The following IL1F10 variants were observed in gnomAD, a reference collection of about 807,000 sequenced individuals.
IL1F10 encodes the protein interleukin 1 family member 10.
Under a neutral mutation model 13.1 loss-of-function variants are expected in IL1F10, and 13 were observed. The ratio of observed to expected loss-of-function variants is 0.99; its 90% CI spans 0.64 to 1.57. IL1F10 has a LOEUF of 1.57. Among genes scored for constraint, IL1F10 ranks in the 40% most tolerant of loss-of-function variants. The pLI is 0.00. For missense variants in IL1F10, 191 were observed against 184.1 expected (o/e 1.04, Z -0.22); for synonymous variants, 78 against 68.2 (o/e 1.14, Z -0.71).
intron 1 of IL1F10, among the ~76,000 whole-genome samples, chr2:113,068,308 G>A (rs989399224): frequency 3.3e-5 from 5 of 150,808 alleles, no homozygotes; most frequent in Admixed American, 6.6e-5. Flanking sequence ...TTCAAACCGT[G>A]TTTGGTGGAA....
chr2:113,075,828 C>T lies in IL1F10; in HGVS notation c.*464C>T, dbSNP rs1248222677. On this transcript the variant is annotated 3_prime_UTR_variant, in exon 5 of 5. Coordinates refer to ENST00000341010, the MANE Select transcript of IL1F10 (RefSeq NM_173161.3). ...ACCTCCACAACTATAAAATAATAAA[C>T]TTGTGTTATTGTAAACCTCTAAGTT... 1 of 152,468 alleles carries T rather than the reference C, an allele frequency of 6.6e-6. No homozygotes were observed. Among genetic ancestry groups the T allele is most frequent in the African/African-American group, 2.4e-5 (1 of 41,460 alleles). 9.4% of individuals were successfully genotyped at this position (152,468 alleles called of 1,614,324 possible). A position where few individuals can be genotyped will look rare whatever the true frequency, so the allele number is the denominator to read the frequency against.
intron 1 of IL1F10, among the ~76,000 whole-genome samples, chr2:113,070,216 G>T (rs960191763): frequency 2.0e-5 from 3 of 152,200 alleles, no homozygotes; most frequent in Non-Finnish European, 4.4e-5. Flanking sequence ...GGAGGGGCTT[G>T]GCACACAGCA....
intron 1 of IL1F10, among the ~76,000 whole-genome samples, chr2:113,070,420 A>G (rs887680722): frequency 1.3e-5 from 2 of 152,350 alleles, no homozygotes; most frequent in Admixed American, 1.3e-4. Context: ...GGACTGGACC[A>G]GCATTGAATT....
chr2:113,071,606 C>T (rs1032888025), intron 1 of IL1F10, among the ~76,000 whole-genome samples: 2 of 152,172 alleles, frequency 1.3e-5, no homozygotes, highest in African/African-American at 4.8e-5. Context: ...GTGACAGTGA[C>T]AGACCCAGTA....
chr2:113,070,653 T>C (rs1175068796), intron 1 of IL1F10, among the ~76,000 whole-genome samples: 1 of 152,180 alleles, frequency 6.6e-6, no homozygotes, highest in African/African-American at 2.4e-5. Context: ...TTGAGTTATC[T>C]GTACTGGGGG....
chr2:113,074,967 T>A (rs2105080015), intron 4 of IL1F10, 117 bp downstream of exon 4: 1 of 1,368,782 alleles, frequency 7.3e-7, no homozygotes, highest in Non-Finnish European at 1.0e-6. Flanking sequence ...TCCTACTTCC[T>A]CAGGTTTCCA....
At chr2:113,072,648 G>C (rs1237860587) in intron 1 of IL1F10, 63 bp from the exon 2 acceptor site, 1 of 1,146,054 alleles carries the variant, frequency 8.7e-7, no homozygotes, top group African/African-American at 1.5e-5. Flanking sequence ...CTAAGCCCCA[G>C]CACGTCTGCC....
intron 3 of IL1F10, 62 bp downstream of exon 3, chr2:113,074,476 C>T (rs1394919191): frequency 2.2e-6 from 3 of 1,338,792 alleles, no homozygotes; most frequent in Admixed American, 3.4e-5. Context: ...TCTCTTCTTC[C>T]CTTTCCTCCC....
At position 113,074,404 on chromosome 2, in the gene IL1F10, C is replaced by T. The variant is rs1685897080; in HGVS notation, c.108C>T (p.Asn36=). The T allele has an allele frequency of 6.2e-7, 1 of 1,613,212 alleles. No individual in the cohort carries two copies. Among genetic ancestry groups the T allele is most frequent in the African/African-American group, 1.3e-5 (1 of 75,028 alleles). ...QLLVGDPVAD[N]CCAEKICILP... ...TGGTGGGAGATCCTGTTGCAGACAA[C>T]TGCTGTGCAGGTGAGCTTCTGGGGC... The change falls in exon 3 of 5, where the codon AAC becomes AAT. Residue 36 remains asparagine, a synonymous_variant. Transcript: ENST00000341010.
rs1297614333 is a variant in IL1F10, at chr2:113,068,037, A to G, written c.-29+21A>G. 2.0e-5 allele frequency: 3 copies of G among 152,190 alleles called. No individual in the cohort carries two copies. In the East Asian group the frequency reaches 5.8e-4, roughly 29 times the overall value. The allele number at this position is 152,190 out of a possible 1,614,324, so 9.4% of individuals were successfully genotyped here. On this transcript the variant is annotated intron_variant, in intron 1 of 4. Coordinates refer to ENST00000341010, the MANE Select transcript of IL1F10 (RefSeq NM_173161.3). The stretch of plus-strand genomic sequence containing the variant: ...TGCAGGTCAGTGATGGACAGGCAAT[A>G]TTCTCTCTCTCTTTTCTTTCTTTTC...
intron 1 of IL1F10, 153 bp from the exon 2 acceptor site, chr2:113,072,558 G>C (rs1197327810): frequency 1.7e-6 from 1 of 578,598 alleles, no homozygotes; most frequent in Non-Finnish European, 3.1e-6. Context: ...TGCTGGGCTG[G>C]TGGAAGCCTT....
chr2:113,070,508 A>T (rs1001509585), intron 1 of IL1F10, among the ~76,000 whole-genome samples: 3 of 152,038 alleles, frequency 2.0e-5, no homozygotes, highest in Non-Finnish European at 4.4e-5. Context: ...AGGGCCCTCC[A>T]CTTTGTTGCC....
At chr2:113,074,223 A>G in intron 2 of IL1F10, 106 bp from the exon 3 acceptor site, 1 of 730,268 alleles carries the variant, frequency 1.4e-6, no homozygotes, top group Non-Finnish European at 2.5e-6. Context: ...AGGAGAGAAA[A>G]TCGCCCAAAT....
rs752483382 is a variant in IL1F10, at chr2:113,075,484, GCATATGTTAC to G, written c.*125_*134del. ...TCCACATCCTAATCCCAAGATCTGT[GCATATGTTAC>G]CATACATGTCCAAAGAGGTTTTGCA... On this transcript the variant is annotated 3_prime_UTR_variant, in exon 5 of 5. Coordinates refer to ENST00000341010, the MANE Select transcript of IL1F10 (RefSeq NM_173161.3). 3.8e-4 allele frequency: 260 copies of G among 683,136 alleles called. 2 individuals carry two copies. Among genetic ancestry groups the G allele is most frequent in the Non-Finnish European group, 5.6e-4 (234 of 420,192 alleles). The allele number at this position is 683,136 out of a possible 1,614,324, so 42.3% of individuals were successfully genotyped here. A position where few individuals can be genotyped will look rare whatever the true frequency, so the allele number is the denominator to read the frequency against.
rs1290140898 is a variant in IL1F10 at position 113,075,667 on chromosome 2, G to C, written c.*303G>C. On this transcript the variant is annotated 3_prime_UTR_variant, in exon 5 of 5. Transcript: ENST00000341010. ...TTCTAATTTTGAAGATGGAGTGAGG[G>C]GCCTTGAGCCAACAAATGCAGGTGT... The C allele has an allele frequency of 9.8e-6, 2 of 204,622 alleles. No individual in the cohort carries two copies. The highest frequency in any genetic ancestry group is 2.3e-5 in the African/African-American group (1 of 43,226). 12.7% of individuals were successfully genotyped at this position (204,622 alleles called of 1,614,324 possible).
chr2:113,073,627 G>A (rs560431932), intron 2 of IL1F10, among the ~76,000 whole-genome samples: 36 of 152,318 alleles, frequency 2.4e-4, no homozygotes, highest in South Asian at 8.3e-4. Flanking sequence ...GGATCTTTCC[G>A]GAAGTTTATT....
Position 113,075,331 on chromosome 2 carries a change from C to T in IL1F10, c.426C>T (p.Ala142=), listed in dbSNP as rs1685921633. 1.9e-6 allele frequency: 3 copies of T among 1,593,616 alleles called. No homozygotes were observed. Among genetic ancestry groups the T allele is most frequent in the African/African-American group, 1.3e-5 (1 of 74,442 alleles). ...TCACCAAGGAGAGTGAGCCCTCAGC[C>T]CGTACCAAGTTTTACTTTGAACAGA... ...VQLTKESEPS[A]RTKFYFEQSW The change falls in exon 5 of 5, where the codon GCC becomes GCT. Residue 142 remains alanine, a synonymous_variant. Coordinates refer to ENST00000341010, the MANE Select transcript of IL1F10 (RefSeq NM_173161.3).
chr2:113,072,647 A>G, intron 1 of IL1F10, 64 bp from the exon 2 acceptor site: 1 of 1,139,474 alleles, frequency 8.8e-7, no homozygotes, highest in East Asian at 2.4e-5. Context: ...TCTAAGCCCC[A>G]GCACGTCTGC....
At position 113,068,341 on chromosome 2, in the gene IL1F10, G is replaced by GTTT. The variant is rs11334338; in HGVS notation, c.-29+337_-29+339dup. Among the ~76,000 whole-genome samples the GTTT allele has an allele frequency of 6.3e-4, 89 of 140,710 alleles. No homozygotes were observed. In the East Asian group the frequency reaches 8.7e-3, roughly 14 times the overall value. The allele number at this position is 140,710 out of a possible 152,430, so 92.3% of individuals were successfully genotyped here. A position where few individuals can be genotyped will look rare whatever the true frequency, so the allele number is the denominator to read the frequency against. On this transcript the variant is annotated intron_variant, in intron 1 of 4. Transcript: ENST00000341010. The stretch of plus-strand genomic sequence containing the variant: ...GAAGCTTAAGAGATTTTTTGTTTTC[G>GTTT]TTTTTTTTTTTTTTGTGCTCCTTGG...
Sources: gnomAD v4.1 joint callset for allele counts (sites outside exome capture counted in the v4.1 genomes callset) on GRCh38, gnomAD v4.1.1 for gene constraint, MANE v1.5 for transcripts, NCBI Gene and HGNC (gene_info 2026-07-23, HGNC 2026-07-21) for gene names.